The following SLC25A53 variants were observed in gnomAD, a reference collection of about 807,000 sequenced individuals.
SLC25A53 encodes mitochondrial carrier triple repeat protein 6.
Under a neutral mutation model 15.0 loss-of-function variants are expected in SLC25A53, and 5 were observed. The observed-to-expected ratio is 0.33, with a 90% CI of 0.17 to 0.70. SLC25A53 has a LOEUF of 0.70. Ranked by LOEUF, SLC25A53 falls within the 30% of genes least tolerant of loss-of-function variation. The pLI is 0.67. For missense variants in SLC25A53, 216 were observed against 241.6 expected, an observed-to-expected ratio of 0.89 and a Z score of 0.70; for synonymous variants, 95 against 100.0, an observed-to-expected ratio of 0.95 and a Z score of 0.30.
At chrX:104,115,938 T>C (rs1168705853) in intron 1 of SLC25A53, 1 of 116,895 alleles carries the variant, frequency 8.6e-6, no homozygotes, top group Non-Finnish European at 1.9e-5. Flanking sequence ...GAGGAGGGGT[T>C]TTTATCGACC....
At chrX:104,111,325 G>C (rs1556358582) in intron 1 of SLC25A53, among the ~76,000 whole-genome samples, 1 of 111,518 alleles carries the variant, frequency 9.0e-6, no homozygotes, top group Non-Finnish European at 1.9e-5. Context: ...TCACACTTTG[G>C]TTAATAGCAT....
rs1556371607 is a variant in SLC25A53, at chrX:104,156,988, A to C, written c.-142T>G. 3 of 111,141 alleles carry C rather than the reference A, an allele frequency of 2.7e-5. No homozygotes were observed. The highest frequency in any genetic ancestry group is 1.9e-5 in the Non-Finnish European group (1 of 53,015). 9.2% of individuals were successfully genotyped at this position (111,141 alleles called of 1,213,427 possible). A position where few individuals can be genotyped will look rare whatever the true frequency, so the allele number is the denominator to read the frequency against. The stretch of plus-strand genomic sequence containing the variant: ...TTCGCCCATCCGCCGCCCTCACTTA[A>C]GCGACGCACAACGGAGCTCCCACAA... On this transcript the variant is annotated 5_prime_UTR_variant, in exon 1 of 2. Transcript: ENST00000594199.
At chrX:104,139,346 T>C (rs1556367098) in intron 1 of SLC25A53, among the ~76,000 whole-genome samples, 1 of 112,259 alleles carries the variant, frequency 8.9e-6, no homozygotes. Flanking sequence ...GGTGAAACCC[T>C]GTCTCTACTA....
At position 104,100,364 on chromosome X, in the gene SLC25A53, T is replaced by C. The variant is rs1292363609; in HGVS notation, c.*3970A>G. On this transcript the variant is annotated 3_prime_UTR_variant, in exon 2 of 2. Coordinates refer to ENST00000594199, the MANE Select transcript of SLC25A53 (RefSeq NM_001012755.5). Reference sequence around the variant, plus strand: ...TTAGTGTTAAATTGTATATTTTATGTGTTTAAACAGATATAGATATTTATT... The same window carrying C: ...TTAGTGTTAAATTGTATATTTTATGCGTTTAAACAGATATAGATATTTATT... 5 of 112,038 alleles carry C rather than the reference T, an allele frequency of 4.5e-5. No homozygotes were observed. The highest frequency in any genetic ancestry group is 9.5e-5 in the Admixed American group (1 of 10,535). 9.2% of individuals were successfully genotyped at this position (112,038 alleles called of 1,213,427 possible).
At chrX:104,147,894 A>G (rs782699691) in intron 1 of SLC25A53, among the ~76,000 whole-genome samples, 34 of 110,667 alleles carry the variant, frequency 3.1e-4, no homozygotes, top group Admixed American at 6.7e-4. Flanking sequence ...TCAGTGTGGC[A>G]ATTCCTCAGG....
intron 1 of SLC25A53, among the ~76,000 whole-genome samples, chrX:104,110,326 T>C (rs189502303): frequency 8.1e-5 from 9 of 111,414 alleles, no homozygotes; most frequent in South Asian, 7.6e-4. Context: ...GGTGAGCAAC[T>C]TGCCTTCTCC....
At chrX:104,142,813 C>A (rs782804297) in intron 1 of SLC25A53, among the ~76,000 whole-genome samples, 3 of 106,457 alleles carry the variant, frequency 2.8e-5, no homozygotes, top group African/African-American at 1.0e-4. Flanking sequence ...CCCAGCTACT[C>A]GGGAGGCTGA....
chrX:104,105,611 T>C (rs1556355776), intron 1 of SLC25A53, among the ~76,000 whole-genome samples: 3 of 112,433 alleles, frequency 2.7e-5, no homozygotes, highest in African/African-American at 9.7e-5. Context: ...ATGCATCAAC[T>C]TTCACGACAT....
In SLC25A53 at chrX:104,101,914, A is replaced by G. The variant is rs1351931148; in HGVS notation, c.*2420T>C. On this transcript the variant is annotated 3_prime_UTR_variant, in exon 2 of 2. Coordinates refer to ENST00000594199, the MANE Select transcript of SLC25A53 (RefSeq NM_001012755.5). ...AAATTATTTTTAAATAAGAAGTTAA[A>G]ATGAAGAAAGGGACATGGATGGACA... 8.9e-6 allele frequency: 1 copy of G among 112,534 alleles called. No homozygotes were observed. Among genetic ancestry groups the G allele is most frequent in the Non-Finnish European group, 1.9e-5 (1 of 53,341 alleles). The allele number at this position is 112,534 out of a possible 1,213,427, so 9.3% of individuals were successfully genotyped here.
rs185934794 is a variant in SLC25A53, at chrX:104,143,206, T to C, written c.-32+13672A>G. ...AGAACGCCTCTTCTCCTTCAAAGGA[T>C]CACAACTCCTCACCAGCAGGGAAGA... On this transcript the variant is annotated intron_variant, in intron 1 of 1. Coordinates refer to ENST00000594199, the MANE Select transcript of SLC25A53 (RefSeq NM_001012755.5). Among the ~76,000 whole-genome samples, 49 of 111,223 alleles carry C rather than the reference T, an allele frequency of 4.4e-4. No individual in the cohort carries two copies. In the East Asian group the frequency reaches 7.9e-3, roughly 18 times the overall value.
chrX:104,134,897 C>G (rs73530836), intron 1 of SLC25A53, among the ~76,000 whole-genome samples: 3,869 of 110,891 alleles, frequency 0.035, 158 homozygotes, highest in African/African-American at 0.12. Flanking sequence ...CAAAATAAAG[C>G]CTTAACTCCT....
intron 1 of SLC25A53, chrX:104,113,212 C>G (rs2075358386): frequency 9.0e-6 from 1 of 111,467 alleles, no homozygotes. Flanking sequence ...AAGCCGAATC[C>G]GAACTTGAAT....
intron 1 of SLC25A53, among the ~76,000 whole-genome samples, chrX:104,146,596 G>A (rs1442526904): frequency 8.0e-5 from 9 of 111,873 alleles, no homozygotes; most frequent in South Asian, 3.7e-4. Flanking sequence ...CTGATAAGCA[G>A]CTTCAGCAAA....
At chrX:104,118,044 CTTT>C (rs1483482071) in intron 1 of SLC25A53, among the ~76,000 whole-genome samples, 1 of 111,909 alleles carries the variant, frequency 8.9e-6, no homozygotes, top group African/African-American at 3.3e-5. Flanking sequence ...AAAAGTGAGA[CTTT>C]TTATTTCATT....
At chrX:104,117,847 G>T (rs1380970231) in intron 1 of SLC25A53, among the ~76,000 whole-genome samples, 2 of 112,074 alleles carry the variant, frequency 1.8e-5, no homozygotes, top group Non-Finnish European at 3.8e-5. Context: ...CTGAAACCAG[G>T]TAGAGTGAAA....
chrX:104,111,657 T>C (rs1239028838), intron 1 of SLC25A53, among the ~76,000 whole-genome samples: 1 of 110,971 alleles, frequency 9.0e-6, no homozygotes, highest in Non-Finnish European at 1.9e-5. Context: ...TATTATCACA[T>C]TGAGACTGCT....
At chrX:104,147,450 G>A (rs1556369339) in intron 1 of SLC25A53, among the ~76,000 whole-genome samples, 1 of 110,463 alleles carries the variant, frequency 9.1e-6, no homozygotes, top group Middle Eastern at 4.3e-3. Flanking sequence ...ATTGACAAAT[G>A]GGATCTAATT....
At chrX:104,128,675 G>A (rs782198804) in intron 1 of SLC25A53, among the ~76,000 whole-genome samples, 1 of 111,337 alleles carries the variant, frequency 9.0e-6, no homozygotes. Flanking sequence ...ATGTTAGAGA[G>A]ACATAATGAA....
chrX:104,111,716 C>T (rs1381759505), intron 1 of SLC25A53, among the ~76,000 whole-genome samples: 1 of 111,241 alleles, frequency 9.0e-6, no homozygotes. Context: ...CCAGGCAGCG[C>T]TGCAGGGCAA....
Sources: allele counts gnomAD v4.1 joint callset (sites outside exome capture counted in the v4.1 genomes callset), GRCh38; gene constraint gnomAD v4.1.1; transcripts MANE v1.5; gene names NCBI Gene and HGNC (gene_info 2026-07-23, HGNC 2026-07-21).